FRAS1: variants seen among roughly 807,000 people sequenced by gnomAD.
FRAS1 encodes the protein extracellular matrix organizing protein FRAS1.
FRAS1 carries 290 observed loss-of-function variants against 435.2 expected under a neutral mutation model. That is an observed-to-expected ratio of 0.67 (90% CI 0.61 to 0.73). The LOEUF (loss-of-function observed/expected upper bound fraction) is 0.73, where lower values mean the gene tolerates loss of function less well. Ranked by LOEUF, FRAS1 falls within the 30% of genes least tolerant of loss-of-function variation. The probability of loss-of-function intolerance (pLI) is 0.00; values close to 1 mark genes in which losing one functional copy is unlikely to be tolerated. For missense variants in FRAS1, 4,860 were observed against 5,001.5 expected, an observed-to-expected ratio of 0.97 and a Z score of 0.85; for synonymous variants, 1,800 against 1,851.0, an observed-to-expected ratio of 0.97 and a Z score of 0.71.
intron 59 of FRAS1, among the ~76,000 whole-genome samples, chr4:78,494,475 G>A (rs1720453686): frequency 6.6e-6 from 1 of 152,248 alleles, no homozygotes; most frequent in East Asian, 1.9e-4. Context: ...CACATGGCAA[G>A]AGAGGAGGAA....
Position 78,542,102 on chromosome 4 carries a change from T to C in FRAS1, c.*978T>C, listed in dbSNP as rs1478960661. ...GTTAGTGCTTCGGGAAAGTAAGTGA[T>C]TCATTTGAATAAGGCAAATTAGGAG... On this transcript the variant is annotated 3_prime_UTR_variant, in exon 74 of 74. Transcript: ENST00000512123. 6.6e-6 allele frequency: 1 copy of C among 152,226 alleles called. No individual in the cohort carries two copies. The highest frequency in any genetic ancestry group is 1.5e-5 in the Non-Finnish European group (1 of 68,048). The allele number at this position is 152,226 out of a possible 1,614,324, so 9.4% of individuals were successfully genotyped here.
At chr4:78,138,376 A>G (rs1012022202) in intron 2 of FRAS1, among the ~76,000 whole-genome samples, 3 of 152,198 alleles carry the variant, frequency 2.0e-5, no homozygotes, top group Admixed American at 1.3e-4. Flanking sequence ...CCTAATGCCA[A>G]TATCTGGTGA....
intron 4 of FRAS1, among the ~76,000 whole-genome samples, chr4:78,250,431 C>T (rs2110130999): frequency 6.6e-6 from 1 of 152,120 alleles, no homozygotes; most frequent in South Asian, 2.1e-4. Context: ...GTGTAGCTTC[C>T]AATTTTCACT....
At chr4:78,440,842 A>G (rs1406964944) in intron 40 of FRAS1, among the ~76,000 whole-genome samples, 1 of 152,210 alleles carries the variant, frequency 6.6e-6, no homozygotes, top group African/African-American at 2.4e-5. Flanking sequence ...GAAGGCAGCC[A>G]TCCTGGCAGG....
In FRAS1 at chr4:78,372,844, C is replaced by T. The variant is rs537771946; in HGVS notation, c.2996C>T (p.Ser999Leu). 1.2e-5 allele frequency: 20 copies of T among 1,612,614 alleles called. No individual in the cohort carries two copies. Among genetic ancestry groups the T allele is most frequent in the South Asian group, 4.4e-5 (4 of 90,986 alleles). ...TGCTTGTCATCATTTTACCAGGACT[C>T]GGGCCTCTGCAAGAGTAAGTGTGTA... is the stretch of plus-strand genomic sequence containing the variant. ...EQCLSSFYQD[S>L]GLCKNCDSYC... The change falls in exon 24 of 74, where the codon TCG becomes TTG. Residue 999 changes from serine (S) to leucine (L), a missense_variant. Transcript: ENST00000512123.
chr4:78,294,592 T>C (rs958915262), intron 14 of FRAS1, among the ~76,000 whole-genome samples: 1 of 152,240 alleles, frequency 6.6e-6, no homozygotes, highest in Admixed American at 6.5e-5. Context: ...GAAAGGTCCA[T>C]GTGGACCTGC....
chr4:78,513,637 T>C, intron 65 of FRAS1, 85 bp downstream of exon 65: 1 of 1,247,162 alleles, frequency 8.0e-7, no homozygotes. Flanking sequence ...AGAACTGCTT[T>C]TCATGTTTTC....
intron 27 of FRAS1, among the ~76,000 whole-genome samples, chr4:78,381,122 T>A (rs1872264): frequency 0.63 from 95,833 of 151,532 alleles, 30,412 homozygotes; most frequent in African/African-American, 0.66. Flanking sequence ...TGCATGCCTT[T>A]AGCCACAATG....
intron 2 of FRAS1, among the ~76,000 whole-genome samples, chr4:78,179,829 A>C (rs906076858): frequency 1.3e-5 from 2 of 152,192 alleles, no homozygotes. Context: ...CTACCCAGGG[A>C]AATGCAGGGA....
chr4:78,209,490 G>A (rs1053382503), intron 2 of FRAS1, among the ~76,000 whole-genome samples: 2 of 152,100 alleles, frequency 1.3e-5, no homozygotes, highest in African/African-American at 4.8e-5. Flanking sequence ...AGCTCTTTTG[G>A]GTTCTGGAAC....
rs191643171 is a variant in FRAS1 at position 78,280,273 on chromosome 4, A to G, written c.1072-1125A>G. On this transcript the variant is annotated intron_variant, in intron 10 of 73. Coordinates refer to ENST00000512123, the MANE Select transcript of FRAS1 (RefSeq NM_025074.7). ...GAGTTACTTGAACATAAGCACTGTGATACTGAGACAGTGGCTCTGATAACC... is the reference window on the plus strand; with the variant it reads ...GAGTTACTTGAACATAAGCACTGTGGTACTGAGACAGTGGCTCTGATAACC... 3.6e-3 allele frequency among the ~76,000 whole-genome samples: 547 copies of G among 152,296 alleles called. 2 individuals are homozygous for G. Among genetic ancestry groups the G allele is most frequent in the Middle Eastern group, 0.02 (6 of 294 alleles).
intron 53 of FRAS1, among the ~76,000 whole-genome samples, chr4:78,474,833 T>A (rs1216436245): frequency 6.6e-6 from 1 of 152,240 alleles, no homozygotes; most frequent in Non-Finnish European, 1.5e-5. Flanking sequence ...CAATAGCATA[T>A]GAATAGTTGG....
intron 10 of FRAS1, among the ~76,000 whole-genome samples, chr4:78,279,597 T>C (rs1369900364): frequency 6.6e-6 from 1 of 152,220 alleles, no homozygotes; most frequent in African/African-American, 2.4e-5. Context: ...GGATTTTGTT[T>C]GATTAGATGA....
intron 23 of FRAS1, 122 bp downstream of exon 23, chr4:78,370,106 T>G: frequency 1.2e-6 from 1 of 847,070 alleles, no homozygotes; most frequent in Non-Finnish European, 1.8e-6. Flanking sequence ...TCTCTGATGA[T>G]AGCAACAATT....
At chr4:78,073,981 T>C (rs1383750829) in intron 2 of FRAS1, among the ~76,000 whole-genome samples, 1 of 152,148 alleles carries the variant, frequency 6.6e-6, no homozygotes, top group Non-Finnish European at 1.5e-5. Flanking sequence ...CCAGAGTTTA[T>C]AAGCTAAATG....
At chr4:78,337,344 C>G (rs1228175505) in intron 19 of FRAS1, among the ~76,000 whole-genome samples, 1 of 152,118 alleles carries the variant, frequency 6.6e-6, no homozygotes, top group Admixed American at 6.5e-5. Flanking sequence ...GGAGTCCTAC[C>G]ACTCGTGTTT....
At chr4:78,373,375 G>A (rs553737694) in intron 24 of FRAS1, among the ~76,000 whole-genome samples, 1 of 151,466 alleles carries the variant, frequency 6.6e-6, no homozygotes, top group East Asian at 1.9e-4. Flanking sequence ...AGTATTCCTG[G>A]GGGACTGAAA....
chr4:78,484,660 CTT>C (rs1720115118), intron 58 of FRAS1, among the ~76,000 whole-genome samples: 1 of 152,168 alleles, frequency 6.6e-6, no homozygotes, highest in African/African-American at 2.4e-5. Context: ...GATTATGACA[CTT>C]ATATTATCTC....
chr4:78,459,465 A>G (rs78968592), intron 47 of FRAS1, among the ~76,000 whole-genome samples: 3,279 of 152,338 alleles, frequency 0.022, 119 homozygotes, highest in African/African-American at 0.075. Flanking sequence ...TGCATGGCAG[A>G]TTCCACCTAA....
Sources: gnomAD v4.1 joint callset for allele counts (sites outside exome capture counted in the v4.1 genomes callset) on GRCh38, gnomAD v4.1.1 for gene constraint, MANE v1.5 for transcripts, NCBI Gene and HGNC (gene_info 2026-07-23, HGNC 2026-07-21) for gene names.